Variants in IL23R observed in about 807,000 individuals in gnomAD.
The protein encoded by IL23R is interleukin-23 receptor.
A neutral mutation model predicts 56.9 loss-of-function variants in IL23R; 34 were observed. The ratio of observed to expected loss-of-function variants is 0.60; its 90% CI spans 0.45 to 0.80. The LOEUF (loss-of-function observed/expected upper bound fraction) is 0.80. IL23R is among the 30% of genes least tolerant of loss of function. IL23R has a pLI of 0.00. For synonymous variants in IL23R, 230 were observed against 249.2 expected, an observed-to-expected ratio of 0.92 and a Z score of 0.73; for missense variants, 635 against 730.0, an observed-to-expected ratio of 0.87 and a Z score of 1.50.
At chr1:67,206,866 AG>A in intron 5 of IL23R, 43 bp from the exon 6 acceptor site, 1 of 1,503,466 alleles carries the variant, frequency 6.7e-7, no homozygotes, top group Non-Finnish European at 8.9e-7. Flanking sequence ...TCCCTAGGCA[AG>A]TTTTAAACAG....
intron 2 of IL23R, 67 bp from the exon 3 acceptor site, chr1:67,169,275 C>A: frequency 8.3e-7 from 1 of 1,199,452 alleles, no homozygotes; most frequent in Non-Finnish European, 1.2e-6. Context: ...AATGCAATAG[C>A]ATATTCTTCT....
At chr1:67,216,173 G>T (rs1001639531) in intron 6 of IL23R, among the ~76,000 whole-genome samples, 2 of 152,116 alleles carry the variant, frequency 1.3e-5, no homozygotes, top group Admixed American at 6.6e-5. Context: ...CTGTTTCAGG[G>T]CATTTGCCAC....
intron 1 of IL23R, among the ~76,000 whole-genome samples, chr1:67,157,163 C>A (rs892378468): frequency 1.3e-5 from 2 of 152,176 alleles, no homozygotes; most frequent in African/African-American, 4.8e-5. Context: ...GAACTGGGTA[C>A]CTCAGTTGCA....
intron 9 of IL23R, among the ~76,000 whole-genome samples, chr1:67,254,307 G>A (rs916828714): frequency 4.6e-5 from 7 of 152,008 alleles, no homozygotes; most frequent in Non-Finnish European, 4.4e-5. Context: ...GGCCTCAAGT[G>A]ATCTGCCTGT....
chr1:67,154,206 T>C (rs1295249116), intron 1 of IL23R, among the ~76,000 whole-genome samples: 1 of 152,236 alleles, frequency 6.6e-6, no homozygotes, highest in Non-Finnish European at 1.5e-5. Context: ...ATAAGTGTCA[T>C]GTGGCACTGA....
upstream of IL23R, chr1:67,138,874 C>T (rs1054563192): frequency 3.3e-5 from 5 of 152,310 alleles, no homozygotes; most frequent in African/African-American, 1.2e-4. Flanking sequence ...ACACCCTGAC[C>T]ACAGTGACTG....
In IL23R at chr1:67,168,087, T is replaced by C. The variant is rs754677364; in HGVS notation, c.-29-5T>C. Reference sequence around the variant, plus strand: ...ATTTAAACATTTTTCATATTTTTTTTCCAGAGGGAAACAGTCTTTTCCTGC... The same window carrying C: ...ATTTAAACATTTTTCATATTTTTTTCCCAGAGGGAAACAGTCTTTTCCTGC... On this transcript the variant is annotated splice_polypyrimidine_tract_variant and splice_region_variant and intron_variant, in intron 1 of 10. Coordinates refer to ENST00000347310, the MANE Select transcript of IL23R (RefSeq NM_144701.3). 4.9e-6 allele frequency: 7 copies of C among 1,433,894 alleles called. No individual in the cohort carries two copies. The highest frequency in any genetic ancestry group is 1.7e-5 in the Admixed American group (1 of 59,788). 88.8% of individuals were successfully genotyped at this position (1,433,894 alleles called of 1,614,324 possible). A position where few individuals can be genotyped will look rare whatever the true frequency, so the allele number is the denominator to read the frequency against.
At position 67,200,632 on chromosome 1, in the gene IL23R, C is replaced by T. The variant is rs112389362; in HGVS notation, c.492-105C>T. The T allele has an allele frequency of 3.9e-3, 4,332 of 1,118,306 alleles. 114 individuals carry two copies. In the African/African-American group the frequency reaches 0.056, roughly 14 times the overall value. The allele number at this position is 1,118,306 out of a possible 1,614,324, so 69.3% of individuals were successfully genotyped here. A position where few individuals can be genotyped will look rare whatever the true frequency, so the allele number is the denominator to read the frequency against. Reference sequence around the variant, plus strand: ...ACTCCTGACCTCAGGTGATCCAACCCGCTTGGTCTCCCAAAATGCTAGGAT... The same window carrying T: ...ACTCCTGACCTCAGGTGATCCAACCTGCTTGGTCTCCCAAAATGCTAGGAT... On this transcript the variant is annotated intron_variant, in intron 4 of 10. Transcript: ENST00000347310.
At chr1:67,194,213 G>A (rs4655690) in intron 4 of IL23R, among the ~76,000 whole-genome samples, 130,452 of 151,628 alleles carry the variant, frequency 0.86, 56,239 homozygotes, top group East Asian at 1. Context: ...CATAAGCACG[G>A]TTCATCATAT....
intron 7 of IL23R, among the ~76,000 whole-genome samples, chr1:67,222,973 G>C (rs1304126154): frequency 6.6e-6 from 1 of 152,112 alleles, no homozygotes; most frequent in Non-Finnish European, 1.5e-5. Flanking sequence ...AAAAGTCTTG[G>C]CGAGGTGTGG....
chr1:67,241,975 A>G (rs1412536099), intron 9 of IL23R, among the ~76,000 whole-genome samples: 1 of 152,358 alleles, frequency 6.6e-6, no homozygotes, highest in Non-Finnish European at 1.5e-5. Flanking sequence ...TGTTTAGCCA[A>G]TACTTTTCGG....
chr1:67,147,711 T>A lies in IL23R; in HGVS notation c.-634+8550T>A, dbSNP rs534545603. Among the ~76,000 whole-genome samples the A allele has an allele frequency of 5.5e-3, 834 of 151,976 alleles. 7 individuals are homozygous for A. Among genetic ancestry groups the A allele is most frequent in the African/African-American group, 0.019 (798 of 41,464 alleles). On this transcript the variant is annotated intron_variant, in intron 1 of 10. Coordinates refer to the IL23R transcript ENST00000637002. Reference sequence around the variant, plus strand: ...AGAGCAGACTCTGTCAAAAAAAAAATAAAAAGATTGTAGGGGCTAACTAGT... The same window carrying A: ...AGAGCAGACTCTGTCAAAAAAAAAAAAAAAAGATTGTAGGGGCTAACTAGT...
chr1:67,256,198 C>T (rs1243010652), intron 10 of IL23R, among the ~76,000 whole-genome samples: 2 of 152,134 alleles, frequency 1.3e-5, no homozygotes, highest in East Asian at 1.9e-4. Flanking sequence ...GCCTTGTGCA[C>T]GAGTCACCTG....
rs566564026 is a variant in IL23R, at chr1:67,218,444, G to A, written c.799-1130G>A. 4.7e-5 allele frequency among the ~76,000 whole-genome samples: 7 copies of A among 150,480 alleles called. No individual in the cohort carries two copies. The South Asian group carries it at 8.4e-4, about 18-fold the overall frequency. The stretch of plus-strand genomic sequence containing the variant: ...GGACCAACTTACAGCTTAGCTTATA[G>A]GTATTTTTTTCTAAAAGTCACCATT... On this transcript the variant is annotated intron_variant, in intron 6 of 10. Coordinates refer to ENST00000347310, the MANE Select transcript of IL23R (RefSeq NM_144701.3).
At chr1:67,264,789 G>A (rs540148668), downstream of IL23R, among the ~76,000 whole-genome samples, 2 of 152,306 alleles carry the variant, frequency 1.3e-5, no homozygotes, top group South Asian at 4.1e-4. Flanking sequence ...TCAATTTCCT[G>A]AAGATGCATT....
intron 7 of IL23R, among the ~76,000 whole-genome samples, chr1:67,223,353 G>C (rs7528924): frequency 6.6e-6 from 1 of 152,050 alleles, no homozygotes; most frequent in Non-Finnish European, 1.5e-5. Context: ...TCTGTTTCCT[G>C]AGGAGAAAAA....
chr1:67,233,165 A>G (rs536645690), intron 7 of IL23R, among the ~76,000 whole-genome samples: 1 of 130,556 alleles, frequency 7.7e-6, no homozygotes, highest in South Asian at 2.8e-4. Context: ...TCTGACCAAT[A>G]TGGTGAAATC....
rs566697990 is a variant in IL23R, at chr1:67,142,950, A to G, written c.-634+3789A>G. Among the ~76,000 whole-genome samples the G allele has an allele frequency of 6.6e-5, 10 of 152,294 alleles. No individual in the cohort carries two copies. In the East Asian group the frequency reaches 1.9e-3, roughly 29 times the overall value. On this transcript the variant is annotated intron_variant, in intron 1 of 10. Transcript: ENST00000637002. ...TATAACCTTACTTAATCTTCCCTAT[A>G]GGTTTAAGAGGTAGGTATAACTATG...
At chr1:67,245,874 C>G (rs780878584) in intron 9 of IL23R, among the ~76,000 whole-genome samples, 17 of 152,128 alleles carry the variant, frequency 1.1e-4, no homozygotes, top group Non-Finnish European at 2.2e-4. Flanking sequence ...GGAACAGTTT[C>G]AGAAGGAATG....
Sources: gnomAD v4.1 joint callset for allele counts (sites outside exome capture counted in the v4.1 genomes callset) on GRCh38, gnomAD v4.1.1 for gene constraint, MANE v1.5 for transcripts, NCBI Gene and HGNC (gene_info 2026-07-23, HGNC 2026-07-21) for gene names.